AJAP1: variants seen among roughly 807,000 people sequenced by gnomAD.
The protein encoded by AJAP1 is adherens junctions associated protein 1, also known as adherens junction-associated protein 1.
A neutral mutation model predicts 35.0 loss-of-function variants in AJAP1; 5 were observed. The ratio of observed to expected loss-of-function variants is 0.14; its 90% confidence interval spans 0.07 to 0.30. The LOEUF is 0.30. Among genes scored for constraint, AJAP1 ranks in the 10% least tolerant of loss-of-function variants. The pLI is 1.00. For missense variants in AJAP1, 586 were observed against 571.0 expected (o/e 1.03, Z -0.27); for synonymous variants, 284 against 249.3 (o/e 1.14, Z -1.31).
chr1:4,663,181 G>C (rs1313002160), intron 1 of AJAP1, among the ~76,000 whole-genome samples: 1 of 152,138 alleles, frequency 6.6e-6, no homozygotes, highest in Non-Finnish European at 1.5e-5. Flanking sequence ...GTCTTGCTGT[G>C]TTGCCCAGGC....
rs200921379 is a variant in AJAP1, at chr1:4,769,957, C to T, written c.917+17C>T. ...AAAAAATTGGTAAGGCTCCTTGGGC[C>T]CTTCTGGCCCAGAAATGGGGGACTA... On this transcript the variant is annotated intron_variant, in intron 3 of 5. Transcript: ENST00000378191. 3.6e-5 allele frequency: 58 copies of T among 1,601,764 alleles called. 1 individual carries two copies. The Admixed American group carries it at 3.8e-4, about 11-fold the overall frequency.
rs1281557074 is a variant in AJAP1 at position 4,784,287 on chromosome 1, C to T, written c.*1802C>T. On this transcript the variant is annotated 3_prime_UTR_variant, in exon 6 of 6. Coordinates refer to ENST00000378191, the MANE Select transcript of AJAP1 (RefSeq NM_018836.4). ...CTAGGGATGCATCTCATGGCCCACG[C>T]TGTGCCTCCTTAAAGGATGTTTCCT... 6.6e-6 allele frequency: 1 copy of T among 152,270 alleles called. No individual in the cohort carries two copies. The highest frequency in any genetic ancestry group is 1.5e-5 in the Non-Finnish European group (1 of 68,060). 9.4% of individuals were successfully genotyped at this position (152,270 alleles called of 1,614,324 possible).
rs1642129740 is a variant in AJAP1, at chr1:4,784,546, T to G, written c.*2061T>G. On this transcript the variant is annotated 3_prime_UTR_variant, in exon 6 of 6. Transcript: ENST00000378191. Reference sequence around the variant, plus strand: ...GGGCTCAGTCTCCCTCTAAAACACCTTGTGATATGCTTCAGAAGTTCACTT... The same window carrying G: ...GGGCTCAGTCTCCCTCTAAAACACCGTGTGATATGCTTCAGAAGTTCACTT... The G allele has an allele frequency of 6.6e-6, 1 of 152,176 alleles. No individual in the cohort carries two copies. Among genetic ancestry groups the G allele is most frequent in the Non-Finnish European group, 1.5e-5 (1 of 68,022 alleles). The allele number at this position is 152,176 out of a possible 1,614,324, so 9.4% of individuals were successfully genotyped here. A position where few individuals can be genotyped will look rare whatever the true frequency, so the allele number is the denominator to read the frequency against.
chr1:4,769,509 G>A (rs372654212), intron 2 of AJAP1, among the ~76,000 whole-genome samples: 458 of 152,266 alleles, frequency 3.0e-3, no homozygotes, highest in African/African-American at 0.01. Context: ...CTGACCTGCC[G>A]CCAGGTAGAG....
intron 2 of AJAP1, among the ~76,000 whole-genome samples, chr1:4,712,995 G>C (rs1640300883): frequency 6.6e-6 from 1 of 152,180 alleles, no homozygotes; most frequent in African/African-American, 2.4e-5. Context: ...CTGCAGCCCT[G>C]TTACAGACCG....
At chr1:4,673,000 T>C (rs1403232896) in intron 1 of AJAP1, among the ~76,000 whole-genome samples, 1 of 152,096 alleles carries the variant, frequency 6.6e-6, no homozygotes, top group Non-Finnish European at 1.5e-5. Context: ...GGCTTGAAGA[T>C]GAAGGAGTGC....
Position 4,772,467 on chromosome 1 carries a change from A to T in AJAP1, c.1105A>T (p.Thr369Ser). The change falls in exon 4 of 6, where the codon ACC becomes TCC. Residue 369 changes from threonine (T) to serine (S), a missense_variant. Coordinates refer to ENST00000378191, the MANE Select transcript of AJAP1 (RefSeq NM_018836.4). ...ECVRASVPVY[T>S]DETLHSTTGE... is the part of the protein sequence containing the mutation. ...CGTCAGGGCATCTGTGCCCGTGTAC[A>T]CCGATGAGACGCTGCACTCGACGAC... 6.2e-7 allele frequency: 1 copy of T among 1,614,226 alleles called. No individual in the cohort carries two copies. The highest frequency in any genetic ancestry group is 8.5e-7 in the Non-Finnish European group (1 of 1,180,050).
intron 2 of AJAP1, among the ~76,000 whole-genome samples, chr1:4,757,886 T>C (rs1354511194): frequency 6.6e-6 from 1 of 152,166 alleles, no homozygotes; most frequent in Non-Finnish European, 1.5e-5. Context: ...CACCCAAATC[T>C]CCTCTTGAAT....
At chr1:4,737,179 G>A (rs921893445) in intron 2 of AJAP1, among the ~76,000 whole-genome samples, 17 of 152,084 alleles carry the variant, frequency 1.1e-4, no homozygotes, top group African/African-American at 3.6e-4. Context: ...CTGTGGATGG[G>A]CACCCCTGGG....
intron 4 of AJAP1, 137 bp downstream of exon 4, chr1:4,772,662 G>A: frequency 7.7e-7 from 1 of 1,297,778 alleles, no homozygotes; most frequent in Non-Finnish European, 1.0e-6. Context: ...CCCAGCCAAG[G>A]CGGACAGCTA....
At position 4,656,864 on chromosome 1, in the gene AJAP1, C is replaced by T. The variant is rs1032142721; in HGVS notation, c.29+1410C>T. 5.9e-5 allele frequency among the ~76,000 whole-genome samples: 9 copies of T among 152,114 alleles called. No homozygotes were observed. The highest frequency in any genetic ancestry group is 2.2e-4 in the African/African-American group (9 of 41,404). On this transcript the variant is annotated intron_variant, in intron 1 of 5. Coordinates refer to ENST00000378191, the MANE Select transcript of AJAP1 (RefSeq NM_018836.4). This position sits in a 1 kb window ranked among gnomAD's most constrained non-coding sequence, Gnocchi z 5.7. Reference sequence around the variant, plus strand: ...GGCTAGATAAGGTTTAGGCTTGGACCGTTGTGGGATGTTGGCAAAATGGAG... The same window carrying T: ...GGCTAGATAAGGTTTAGGCTTGGACTGTTGTGGGATGTTGGCAAAATGGAG...
chr1:4,717,303 C>T (rs180675435), intron 2 of AJAP1, among the ~76,000 whole-genome samples: 39 of 152,312 alleles, frequency 2.6e-4, no homozygotes, highest in African/African-American at 8.2e-4. Context: ...CTGAACCTTA[C>T]GTTCTTAGGC....
At chr1:4,781,381 C>T (rs934701509) in intron 5 of AJAP1, among the ~76,000 whole-genome samples, 12 of 152,200 alleles carry the variant, frequency 7.9e-5, no homozygotes, top group Non-Finnish European at 1.5e-4. Flanking sequence ...AACACTACCC[C>T]GAGACCCTGA....
intron 2 of AJAP1, among the ~76,000 whole-genome samples, chr1:4,725,510 C>A (rs1207665420): frequency 2.0e-5 from 3 of 152,154 alleles, no homozygotes; most frequent in Non-Finnish European, 4.4e-5. Flanking sequence ...ACACCCACCT[C>A]CCCTTCGAGG....
chr1:4,774,709 G>A (rs2272878), intron 5 of AJAP1, among the ~76,000 whole-genome samples, 151 bp downstream of exon 5: 39 of 152,178 alleles, frequency 2.6e-4, no homozygotes, highest in Middle Eastern at 3.4e-3. Flanking sequence ...GAGCCGGCGG[G>A]GGGGGCTGGG....
chr1:4,772,204 C>G (rs1264183967), intron 3 of AJAP1, 76 bp from the exon 4 acceptor site: 1 of 1,584,342 alleles, frequency 6.3e-7, no homozygotes, highest in Non-Finnish European at 8.6e-7. Context: ...GAAAGACCCA[C>G]AGTGGAAGTC....
rs562603865 is a variant in AJAP1, at chr1:4,697,592, G to A, written c.30-14308G>A. Among the ~76,000 whole-genome samples, 5 of 152,352 alleles carry A rather than the reference G, an allele frequency of 3.3e-5. No individual in the cohort carries two copies. The South Asian group carries it at 6.2e-4, about 19-fold the overall frequency. On this transcript the variant is annotated intron_variant, in intron 1 of 5. Coordinates refer to ENST00000378191, the MANE Select transcript of AJAP1 (RefSeq NM_018836.4). ...CTCTGTGCAGTTTCAAGGTGGGCAC[G>A]TGAGTCCCACAGGCTGGTGCCAGGT...
chr1:4,712,753 G>A (rs561370127), intron 2 of AJAP1, 54 bp downstream of exon 2: 11 of 1,473,450 alleles, frequency 7.5e-6, no homozygotes, highest in Middle Eastern at 2.0e-4. Flanking sequence ...GGCTGGGAGC[G>A]TGACTCGGGA....
rs977251683 is a variant in AJAP1, at chr1:4,680,626, C to T, written c.29+25172C>T. ...GGCCTCCATCCAGGCCACTGATGTC[C>T]ACTTATCTCTCATGTAAAGCCACCC... is the stretch of plus-strand genomic sequence containing the variant. On this transcript the variant is annotated intron_variant, in intron 1 of 5. Coordinates refer to ENST00000378191, the MANE Select transcript of AJAP1 (RefSeq NM_018836.4). Among the ~76,000 whole-genome samples, 6 of 152,202 alleles carry T rather than the reference C, an allele frequency of 3.9e-5. No individual in the cohort carries two copies. The South Asian group carries it at 8.3e-4, about 21-fold the overall frequency.
Sources: allele counts gnomAD v4.1 joint callset (sites outside exome capture counted in the v4.1 genomes callset), GRCh38; gene constraint gnomAD v4.1.1; non-coding constraint Gnocchi (gnomAD v3.1); transcripts MANE v1.5; gene names NCBI Gene and HGNC (gene_info 2026-07-23, HGNC 2026-07-21).